Variants in FNDC3B observed in about 807,000 individuals in gnomAD.
FNDC3B encodes the protein fibronectin type III domain-containing protein 3B.
In FNDC3B, 12 loss-of-function variants were observed where a neutral mutation model predicts 151.5. The ratio of observed to expected loss-of-function variants is 0.08; its 90% CI spans 0.05 to 0.13. FNDC3B has a LOEUF of 0.13. Ranked by LOEUF, FNDC3B falls within the 10% of genes least tolerant of loss-of-function variation. FNDC3B has a pLI of 1.00. For missense variants in FNDC3B, 1,214 were observed against 1,505.3 expected, an observed-to-expected ratio of 0.81 and a Z score of 3.20; for synonymous variants, 528 against 549.0, an observed-to-expected ratio of 0.96 and a Z score of 0.54.
At chr3:172,386,339 A>G (rs1367319767) in intron 25 of FNDC3B, among the ~76,000 whole-genome samples, 1 of 152,248 alleles carries the variant, frequency 6.6e-6, no homozygotes, top group African/African-American at 2.4e-5. Flanking sequence ...ATTTAATATA[A>G]GCATTGAAGA....
intron 1 of FNDC3B, among the ~76,000 whole-genome samples, chr3:172,090,626 G>C (rs1718775031): frequency 6.6e-6 from 1 of 152,010 alleles, no homozygotes; most frequent in African/African-American, 2.4e-5. Flanking sequence ...GTTTTTTCCT[G>C]TTACTTAGGA....
chr3:172,061,233 CT>C (rs376260481), intron 1 of FNDC3B, among the ~76,000 whole-genome samples: 209 of 139,228 alleles, frequency 1.5e-3, no homozygotes, highest in Middle Eastern at 3.7e-3. Context: ...CTGCACATTA[CT>C]TTTTTTTTTT....
intron 3 of FNDC3B, among the ~76,000 whole-genome samples, chr3:172,187,938 T>G (rs1006470266): frequency 1.3e-5 from 2 of 152,034 alleles, no homozygotes; most frequent in African/African-American, 2.4e-5. Flanking sequence ...TTAATTATAA[T>G]TCAACCCTAG....
At chr3:172,168,806 G>A (rs368770014) in intron 3 of FNDC3B, among the ~76,000 whole-genome samples, 3 of 148,068 alleles carry the variant, frequency 2.0e-5, no homozygotes, top group African/African-American at 5.0e-5. Context: ...TCCGCTTCCC[G>A]GGTTCAAGTG....
At chr3:172,338,383 A>G (rs2108300660) in intron 16 of FNDC3B, 1 of 152,090 alleles carries the variant, frequency 6.6e-6, no homozygotes, top group African/African-American at 2.4e-5. Context: ...AGGTGGAGAT[A>G]GTGAAAAGGG....
intron 22 of FNDC3B, among the ~76,000 whole-genome samples, chr3:172,357,552 C>G (rs894098284): frequency 6.6e-6 from 1 of 152,074 alleles, no homozygotes; most frequent in Non-Finnish European, 1.5e-5. Flanking sequence ...CCCATTAGTC[C>G]AATGTCACCT....
chr3:172,211,459 GATAAA>G (rs1193217436), intron 3 of FNDC3B, among the ~76,000 whole-genome samples: 16 of 152,210 alleles, frequency 1.1e-4, no homozygotes, highest in Non-Finnish European at 1.5e-4. Flanking sequence ...TACAGAAAAT[GATAAA>G]ATATAATGTT....
At chr3:172,047,746 T>C (rs1716432877) in intron 1 of FNDC3B, among the ~76,000 whole-genome samples, 1 of 152,154 alleles carries the variant, frequency 6.6e-6, no homozygotes, top group African/African-American at 2.4e-5. Context: ...AAACACAATA[T>C]CTGCCTCCCC....
intron 1 of FNDC3B, among the ~76,000 whole-genome samples, chr3:172,088,891 A>G (rs1310726445): frequency 6.6e-6 from 1 of 152,240 alleles, no homozygotes; most frequent in African/African-American, 2.4e-5. Context: ...TACAAAAGCT[A>G]TAACAATAGT....
chr3:172,165,039 G>C (rs1298340507), intron 3 of FNDC3B, among the ~76,000 whole-genome samples: 8 of 152,154 alleles, frequency 5.3e-5, no homozygotes. Flanking sequence ...TGGACATAGA[G>C]GTTTTACTCT....
rs909846989 is a variant in FNDC3B at position 172,240,984 on chromosome 3, C to T, written c.265-6549C>T. Among the ~76,000 whole-genome samples, 7 of 152,102 alleles carry T rather than the reference C, an allele frequency of 4.6e-5. No individual in the cohort carries two copies. The South Asian group carries it at 8.3e-4, about 18-fold the overall frequency. On this transcript the variant is annotated intron_variant, in intron 4 of 25. Transcript: ENST00000415807. ...CACAGGATAGCAAGAATACTAGGCA[C>T]GTAGAAGATTTTTTGTAAACGTGTA...
At chr3:172,362,981 T>G in intron 23 of FNDC3B, 136 bp downstream of exon 23, 1 of 668,238 alleles carries the variant, frequency 1.5e-6, no homozygotes, top group Non-Finnish European at 2.5e-6. Context: ...ACTTGAGCCC[T>G]GCGTTTTATA....
intron 3 of FNDC3B, among the ~76,000 whole-genome samples, chr3:172,164,704 C>T (rs1255895196): frequency 6.6e-6 from 1 of 152,186 alleles, no homozygotes; most frequent in Non-Finnish European, 1.5e-5. Context: ...AGCAAAGTTT[C>T]ATAATATGTA....
chr3:172,222,944 T>C (rs1220951973), intron 3 of FNDC3B, among the ~76,000 whole-genome samples: 1 of 152,242 alleles, frequency 6.6e-6, no homozygotes, highest in Non-Finnish European at 1.5e-5. Context: ...ATGTTGCTGG[T>C]CTTTCCTTTT....
chr3:172,184,882 G>A (rs1724091712), intron 3 of FNDC3B, among the ~76,000 whole-genome samples: 1 of 152,048 alleles, frequency 6.6e-6, no homozygotes, highest in East Asian at 1.9e-4. Flanking sequence ...AATTAGCAGA[G>A]GTCTTTTCTT....
At chr3:172,283,615 T>C (rs1052442690) in intron 6 of FNDC3B, among the ~76,000 whole-genome samples, 2 of 152,238 alleles carry the variant, frequency 1.3e-5, no homozygotes, top group African/African-American at 4.8e-5. Flanking sequence ...TGAACATAAC[T>C]ATGTGAGTGT....
chr3:172,349,578 G>C (rs1167427105), intron 21 of FNDC3B, among the ~76,000 whole-genome samples: 1 of 152,150 alleles, frequency 6.6e-6, no homozygotes, highest in Non-Finnish European at 1.5e-5. Context: ...AGTAGAAAAA[G>C]AACATTGGAA....
At chr3:172,193,575 G>A (rs1443193246) in intron 3 of FNDC3B, among the ~76,000 whole-genome samples, 2 of 151,130 alleles carry the variant, frequency 1.3e-5, no homozygotes, top group Admixed American at 1.3e-4. Context: ...ATGCCCTGTA[G>A]CATTTTGATC....
chr3:172,317,956 G>A lies in FNDC3B; in HGVS notation c.1254+7075G>A, dbSNP rs1027215329. On this transcript the variant is annotated intron_variant, in intron 11 of 25. Coordinates refer to ENST00000415807, the MANE Select transcript of FNDC3B (RefSeq NM_022763.4). Reference sequence around the variant, plus strand: ...ACTTTGTGGGAATGTGACTACTGGAGTCCCCAAAAACCTTCCTCACTTGTG... The same window carrying A: ...ACTTTGTGGGAATGTGACTACTGGAATCCCCAAAAACCTTCCTCACTTGTG... Among the ~76,000 whole-genome samples, 22 of 152,328 alleles carry A rather than the reference G, an allele frequency of 1.4e-4. 2 individuals are homozygous for A. The highest frequency in any genetic ancestry group is 5.3e-4 in the African/African-American group (22 of 41,582).
Sources: gnomAD v4.1 joint callset for allele counts (sites outside exome capture counted in the v4.1 genomes callset) on GRCh38, gnomAD v4.1.1 for gene constraint, MANE v1.5 for transcripts, NCBI Gene and HGNC (gene_info 2026-07-23, HGNC 2026-07-21) for gene names.